Variants in COMMD10 observed in about 807,000 individuals in gnomAD.
COMMD10 encodes the protein COMM domain-containing protein 10.
COMMD10 carries 33 observed loss-of-function variants against 28.9 expected under a neutral mutation model. The ratio of observed to expected loss-of-function variants is 1.14; its 90% CI spans 0.87 to 1.53. COMMD10 has a LOEUF of 1.53. COMMD10 is among the 40% of genes most tolerant of loss of function. The probability of loss-of-function intolerance (pLI) is 0.00; values close to 1 mark genes in which losing one functional copy is unlikely to be tolerated. For missense variants in COMMD10, 310 were observed against 233.4 expected (o/e 1.33, Z -2.14); for synonymous variants, 110 against 81.7 (o/e 1.35, Z -1.87).
At chr5:116,265,168 A>C (rs535135318) in intron 5 of COMMD10, among the ~76,000 whole-genome samples, 16 of 151,936 alleles carry the variant, frequency 1.1e-4, no homozygotes, top group African/African-American at 3.6e-4. Context: ...ATTGCAATTT[A>C]ATACTAAGCA....
chr5:116,196,295 A>G (rs1388036485), intron 5 of COMMD10, among the ~76,000 whole-genome samples: 3 of 152,070 alleles, frequency 2.0e-5, no homozygotes, highest in South Asian at 2.1e-4. Context: ...GAGCTAAGCT[A>G]TGAGGACACA....
At chr5:116,188,590 T>A (rs1173584264) in intron 5 of COMMD10, 1 of 151,686 alleles carries the variant, frequency 6.6e-6, no homozygotes, top group East Asian at 1.9e-4. Flanking sequence ...TTTCTTTCTT[T>A]CTTTTCTTCT....
At chr5:116,207,114 T>C (rs1458290959) in intron 5 of COMMD10, among the ~76,000 whole-genome samples, 1 of 152,206 alleles carries the variant, frequency 6.6e-6, no homozygotes, top group East Asian at 1.9e-4. Flanking sequence ...CTGGCAAATT[T>C]CTCTATTAAT....
At chr5:116,092,409 A>T in intron 3 of COMMD10, 136 bp from the exon 4 acceptor site, 1 of 509,156 alleles carries the variant, frequency 2.0e-6, no homozygotes, top group Non-Finnish European at 3.2e-6. Flanking sequence ...GTGTAAAATA[A>T]CCAAAAATGT....
intron 4 of COMMD10, among the ~76,000 whole-genome samples, chr5:116,104,618 T>G (rs1390854387): frequency 6.6e-6 from 1 of 151,580 alleles, no homozygotes; most frequent in Non-Finnish European, 1.5e-5. Context: ...TCCTCTTTTC[T>G]TTTTTTTCTT....
intron 5 of COMMD10, among the ~76,000 whole-genome samples, chr5:116,156,247 T>C (rs1283018503): frequency 6.6e-6 from 1 of 152,156 alleles, no homozygotes; most frequent in Non-Finnish European, 1.5e-5. Context: ...GTAAAAACAG[T>C]ACAGGGTTTG....
chr5:116,140,727 A>G (rs1201971388), intron 5 of COMMD10, among the ~76,000 whole-genome samples: 1 of 151,850 alleles, frequency 6.6e-6, no homozygotes, highest in African/African-American at 2.4e-5. Context: ...TCTTCTTTGG[A>G]GAAATTTCTA....
intron 5 of COMMD10, among the ~76,000 whole-genome samples, chr5:116,158,770 A>G (rs1752822964): frequency 1.3e-5 from 2 of 152,004 alleles, no homozygotes; most frequent in Admixed American, 6.6e-5. Context: ...ACTTTCATTA[A>G]TCTAATGGAT....
At chr5:116,137,608 T>C (rs985610619) in intron 5 of COMMD10, among the ~76,000 whole-genome samples, 1 of 151,976 alleles carries the variant, frequency 6.6e-6, no homozygotes, top group Non-Finnish European at 1.5e-5. Context: ...TGAGCTGTTG[T>C]ACTGAAAACT....
chr5:116,230,329 T>A lies in COMMD10; in HGVS notation c.511-61188T>A, dbSNP rs7707105. ...TGAGCCGGGGAACCTTCTCCTATTC[T>A]TTGCTCTTCAGATATTTCTCTACTG... On this transcript the variant is annotated intron_variant, in intron 5 of 6. Transcript: ENST00000274458. 3.9e-3 allele frequency among the ~76,000 whole-genome samples: 596 copies of A among 152,114 alleles called. 7 individuals carry two copies. The highest frequency in any genetic ancestry group is 0.013 in the African/African-American group (543 of 41,532).
intron 4 of COMMD10, among the ~76,000 whole-genome samples, chr5:116,109,696 G>C (rs529376047): frequency 6.6e-6 from 1 of 152,186 alleles, no homozygotes; most frequent in Non-Finnish European, 1.5e-5. Context: ...TGTTACTGGT[G>C]TAAGAAATGC....
chr5:116,224,963 A>G (rs1440978034), intron 5 of COMMD10, among the ~76,000 whole-genome samples: 2 of 152,192 alleles, frequency 1.3e-5, no homozygotes, highest in African/African-American at 2.4e-5. Context: ...ATGGATAAGA[A>G]TGTTACTTTA....
chr5:116,146,797 C>G (rs1223673825), intron 5 of COMMD10, among the ~76,000 whole-genome samples: 1 of 151,712 alleles, frequency 6.6e-6, no homozygotes, highest in Non-Finnish European at 1.5e-5. Flanking sequence ...ATATATTTCT[C>G]AGAAGAAATT....
At chr5:116,198,791 C>G (rs185340242) in intron 5 of COMMD10, among the ~76,000 whole-genome samples, 2 of 152,230 alleles carry the variant, frequency 1.3e-5, no homozygotes, top group East Asian at 3.9e-4. Flanking sequence ...GCATCGATAG[C>G]TCATTTATTT....
chr5:116,212,433 A>G (rs1748989692), intron 5 of COMMD10, among the ~76,000 whole-genome samples: 2 of 151,078 alleles, frequency 1.3e-5, no homozygotes, highest in Non-Finnish European at 2.9e-5. Flanking sequence ...CTTTTTGCAG[A>G]GCAGGCCTGC....
intron 5 of COMMD10, among the ~76,000 whole-genome samples, chr5:116,222,561 A>G (rs1301412046): frequency 1.3e-5 from 2 of 152,202 alleles, no homozygotes; most frequent in South Asian, 2.1e-4. Context: ...AGGGAATTTA[A>G]TGTTCTTTTC....
chr5:116,270,920 C>T (rs1027051758), intron 5 of COMMD10, among the ~76,000 whole-genome samples: 2 of 151,490 alleles, frequency 1.3e-5, no homozygotes, highest in East Asian at 1.9e-4. Context: ...GCATGGGCAA[C>T]GAGCAAAACT....
chr5:116,278,474 A>C (rs1021119581), intron 5 of COMMD10, among the ~76,000 whole-genome samples: 1 of 151,802 alleles, frequency 6.6e-6, no homozygotes, highest in Admixed American at 6.6e-5. Context: ...AGAGGAAGGA[A>C]AATATAGTGA....
intron 5 of COMMD10, among the ~76,000 whole-genome samples, chr5:116,164,510 A>T (rs11960815): frequency 6.6e-6 from 1 of 151,942 alleles, no homozygotes; most frequent in Non-Finnish European, 1.5e-5. Context: ...TTGTTGTCAA[A>T]TGTTCATGCC....
Sources: gnomAD v4.1 joint callset for allele counts (sites outside exome capture counted in the v4.1 genomes callset) on GRCh38, gnomAD v4.1.1 for gene constraint, MANE v1.5 for transcripts, NCBI Gene and HGNC (gene_info 2026-07-23, HGNC 2026-07-21) for gene names.